The following KRT86 variants were observed in gnomAD, a reference collection of about 807,000 sequenced individuals.
KRT86 encodes keratin 86.
A neutral mutation model predicts 41.2 loss-of-function variants in KRT86; 30 were observed. The observed-to-expected ratio is 0.73, with a 90% CI of 0.54 to 0.99. The LOEUF (loss-of-function observed/expected upper bound fraction) is 0.99, where lower values mean the gene tolerates loss of function less well. KRT86 is among the 50% of genes least tolerant of loss of function. KRT86 has a pLI of 0.00. For synonymous variants in KRT86, 238 were observed against 238.1 expected (o/e 1.00, Z 0.00); for missense variants, 561 against 571.4 (o/e 0.98, Z 0.19).
chr12:52,282,288 A>G (rs1044543421), intron 2 of KRT86, among the ~76,000 whole-genome samples: 1 of 148,992 alleles, frequency 6.7e-6, no homozygotes, highest in African/African-American at 2.5e-5. Context: ...GCTGGACTGC[A>G]GTGGCGCAAT....
intron 2 of KRT86, among the ~76,000 whole-genome samples, chr12:52,296,663 G>C (rs113175043): frequency 6.6e-6 from 1 of 151,924 alleles, no homozygotes; most frequent in Non-Finnish European, 1.5e-5. Flanking sequence ...TCTGACTTGG[G>C]CTCTCCCCAA....
chr12:52,298,374 G>T (rs994773972), intron 2 of KRT86, among the ~76,000 whole-genome samples: 3 of 152,224 alleles, frequency 2.0e-5, no homozygotes, highest in Non-Finnish European at 4.4e-5. Flanking sequence ...GTTAAACATT[G>T]TCCATGCATT....
At chr12:52,284,011 G>C (rs1172644455) in intron 2 of KRT86, among the ~76,000 whole-genome samples, 6 of 152,194 alleles carry the variant, frequency 3.9e-5, no homozygotes, top group Admixed American at 2.6e-4. Context: ...CAGAGCTAGA[G>C]GGAGAGTGAG....
intron 1 of KRT86, among the ~76,000 whole-genome samples, chr12:52,275,241 C>T (rs748349531): frequency 1.3e-5 from 2 of 152,014 alleles, no homozygotes; most frequent in Non-Finnish European, 2.9e-5. Flanking sequence ...CACATGGGGG[C>T]GAGGTGCAAG....
At chr12:52,306,736 T>C (rs1222383279) in intron 9 of KRT86, 1 of 236,842 alleles carries the variant, frequency 4.2e-6, no homozygotes, top group Non-Finnish European at 8.3e-6. Context: ...TCTATTATAG[T>C]GCCAATGAGC....
chr12:52,299,918 C>T (rs769085574), intron 2 of KRT86, among the ~76,000 whole-genome samples: 2 of 152,096 alleles, frequency 1.3e-5, no homozygotes, highest in Non-Finnish European at 2.9e-5. Flanking sequence ...TGATTGTTTC[C>T]TTTGGTGTGC....
intron 2 of KRT86, among the ~76,000 whole-genome samples, chr12:52,284,618 G>T (rs1004877205): frequency 6.6e-6 from 1 of 152,164 alleles, no homozygotes; most frequent in Non-Finnish European, 1.5e-5. Flanking sequence ...GAGAGACCTT[G>T]GTTTGATTCT....
intron 2 of KRT86, among the ~76,000 whole-genome samples, chr12:52,295,881 A>G (rs1254156552): frequency 1.4e-5 from 2 of 146,438 alleles, no homozygotes; most frequent in Non-Finnish European, 3.0e-5. Context: ...GAAGCAGATG[A>G]TGTGGCTATT....
intron 1 of KRT86, among the ~76,000 whole-genome samples, chr12:52,275,300 T>C (rs773615475): frequency 2.6e-5 from 4 of 152,206 alleles, no homozygotes; most frequent in Non-Finnish European, 5.9e-5. Flanking sequence ...CATAGCAGCC[T>C]TGGGTTTGGG....
chr12:52,301,909 A>C lies in KRT86; in HGVS notation c.-4-4A>C. The C allele has an allele frequency of 6.2e-7, 1 of 1,613,660 alleles. No individual in the cohort carries two copies. Among genetic ancestry groups the C allele is most frequent in the Non-Finnish European group, 8.5e-7 (1 of 1,179,684 alleles). On this transcript the variant is annotated splice_polypyrimidine_tract_variant and splice_region_variant and intron_variant, in intron 2 of 10. Transcript: ENST00000423955. ...CCTCAGAACCTCCTCTCTTCCCCAAAAAGCACCATGACTTGTGGATCTTAC... is the reference window on the plus strand; with the variant it reads ...CCTCAGAACCTCCTCTCTTCCCCAACAAGCACCATGACTTGTGGATCTTAC...
intron 7 of KRT86, 37 bp downstream of exon 7, chr12:52,305,441 A>G: frequency 6.2e-7 from 1 of 1,614,110 alleles, no homozygotes; most frequent in African/African-American, 1.3e-5. Context: ...TAGACATGGC[A>G]GTGGGAGGGA....
chr12:52,287,595 C>A (rs1472263005), intron 2 of KRT86: 2 of 1,613,950 alleles, frequency 1.2e-6, no homozygotes, highest in Non-Finnish European at 1.7e-6. Flanking sequence ...ATGCCCCATA[C>A]CTGGCACTTG....
intron 2 of KRT86, among the ~76,000 whole-genome samples, chr12:52,279,947 G>T (rs983799522): frequency 6.6e-6 from 1 of 152,192 alleles, no homozygotes; most frequent in African/African-American, 2.4e-5. Context: ...GTTCTGGGTA[G>T]GGAGGTGGGC....
chr12:52,305,016 C>T lies in KRT86; in HGVS notation c.724C>T (p.Leu242=). The change falls in exon 6 of 11, where the codon CTG becomes TTG. Residue 242 remains leucine (L), a synonymous_variant. Transcript: ENST00000423955. ...CCAGGAGATCGACTTCCTGAGGCGG[C>T]TGTATGAGGAGGTGCGGGCTCAGGG... ...LIQEIDFLRR[L]YEEEIRVLQS... 6.2e-7 allele frequency: 1 copy of T among 1,614,008 alleles called. No homozygotes were observed. The highest frequency in any genetic ancestry group is 8.5e-7 in the Non-Finnish European group (1 of 1,179,954).
intron 2 of KRT86, among the ~76,000 whole-genome samples, chr12:52,297,619 T>C (rs1277437200): frequency 6.6e-6 from 1 of 152,152 alleles, no homozygotes; most frequent in Non-Finnish European, 1.5e-5. Context: ...GAAATAAAGG[T>C]CCACTTGGGC....
At chr12:52,295,886 G>C (rs1216268015) in intron 2 of KRT86, among the ~76,000 whole-genome samples, 5 of 151,814 alleles carry the variant, frequency 3.3e-5, no homozygotes, top group Non-Finnish European at 5.9e-5. Flanking sequence ...AGATGATGTG[G>C]CTATTCCTGG....
intron 7 of KRT86, 111 bp from the exon 8 acceptor site, chr12:52,305,552 C>T: frequency 6.2e-7 from 1 of 1,602,882 alleles, no homozygotes. Flanking sequence ...GCAGGACTGC[C>T]ATGTGTGGTT....
intron 9 of KRT86, among the ~76,000 whole-genome samples, chr12:52,307,790 C>T (rs545861595): frequency 1.3e-5 from 2 of 152,338 alleles, no homozygotes. Flanking sequence ...AATCTAATGA[C>T]ACCAATCAGA....
At position 52,301,988 on chromosome 12, in the gene KRT86, C is replaced by T; in HGVS notation, c.72C>T (p.Arg24=). 6.2e-7 allele frequency: 1 copy of T among 1,613,202 alleles called. No individual in the cohort carries two copies. The highest frequency in any genetic ancestry group is 8.5e-7 in the Non-Finnish European group (1 of 1,179,618). The change falls in exon 3 of 11, where the codon CGC becomes CGT. Residue 24 remains arginine (R), a synonymous_variant. Transcript: ENST00000423955. ...CISACGPRPG[R]CCITAAPYRG... is the part of the protein sequence containing the mutation. ...CGGCCTGCGGGCCCCGGCCCGGCCG[C>T]TGCTGCATCACCGCCGCCCCCTACC...
Sources: allele counts gnomAD v4.1 joint callset (sites outside exome capture counted in the v4.1 genomes callset), GRCh38; gene constraint gnomAD v4.1.1; transcripts MANE v1.5; gene names NCBI Gene and HGNC (gene_info 2026-07-23, HGNC 2026-07-21).